The following PHF24 variants were observed in gnomAD, a reference collection of about 807,000 sequenced individuals.
The protein encoded by PHF24 is Galpha inhibitory interacting protein.
Under a neutral mutation model 42.6 loss-of-function variants are expected in PHF24, and 25 were observed. That is an observed-to-expected ratio of 0.59 (90% CI 0.43 to 0.82). PHF24 has a LOEUF of 0.82. PHF24 is among the 40% of genes least tolerant of loss of function. PHF24 has a pLI of 0.00. For missense variants in PHF24, 470 were observed against 538.1 expected, an observed-to-expected ratio of 0.87 and a Z score of 1.25; for synonymous variants, 185 against 204.8, an observed-to-expected ratio of 0.90 and a Z score of 0.83.
the PHF24 span, chr9:34,835,838 G>GTATAGAATAT: frequency 1.6e-4 from 219 of 1,362,440 alleles, 1 homozygote; most frequent in Middle Eastern, 3.6e-4. Flanking sequence ...CTGGAATGGA[G>GTATAGAATAT]CTCTATACTC....
the PHF24 span, among the ~76,000 whole-genome samples, chr9:34,916,115 C>T: frequency 1.3e-5 from 2 of 152,184 alleles, no homozygotes; most frequent in Non-Finnish European, 2.9e-5. Flanking sequence ...GTCAATTAAA[C>T]CTCTTTATAA....
chr9:34,882,511 A>G, the PHF24 span, among the ~76,000 whole-genome samples: 1 of 151,000 alleles, frequency 6.6e-6, no homozygotes, highest in Non-Finnish European at 1.5e-5. Context: ...CAACTTCAGC[A>G]AAGTCTCAGA....
the PHF24 span, among the ~76,000 whole-genome samples, chr9:34,791,233 C>A: frequency 1.3e-5 from 2 of 152,046 alleles, no homozygotes; most frequent in African/African-American, 2.4e-5. Flanking sequence ...AGATAGTCGG[C>A]AAGAAGTGAC....
chr9:34,769,550 G>T, the PHF24 span, among the ~76,000 whole-genome samples: 1 of 152,046 alleles, frequency 6.6e-6, no homozygotes, highest in Non-Finnish European at 1.5e-5. Context: ...CTGGTTAGGG[G>T]GCCCAATTAG....
the PHF24 span, among the ~76,000 whole-genome samples, chr9:34,843,132 G>A: frequency 6.6e-6 from 1 of 152,080 alleles, no homozygotes; most frequent in Admixed American, 6.5e-5. Context: ...CATAAATGTT[G>A]GATTGTTTTC....
At chr9:34,709,006 T>G in the PHF24 span, 1 of 225,612 alleles carries the variant, frequency 4.4e-6, no homozygotes. Context: ...AACAGGTACT[T>G]GGGTGGGAAG....
chr9:34,791,702 T>A, the PHF24 span, among the ~76,000 whole-genome samples: 1 of 152,176 alleles, frequency 6.6e-6, no homozygotes, highest in Non-Finnish European at 1.5e-5. Context: ...ATATGGTGCC[T>A]CAGAAGGCTT....
At chr9:34,700,948 TG>T in the PHF24 span, among the ~76,000 whole-genome samples, 1 of 151,836 alleles carries the variant, frequency 6.6e-6, no homozygotes, top group South Asian at 2.1e-4. Context: ...CCAATGGGGG[TG>T]GGGGACTGGA....
chr9:34,909,022 G>GT, the PHF24 span, among the ~76,000 whole-genome samples: 3 of 150,412 alleles, frequency 2.0e-5, no homozygotes, highest in African/African-American at 7.3e-5. Flanking sequence ...CTAATTTTTT[G>GT]TATTTTTAGT....
the PHF24 span, among the ~76,000 whole-genome samples, chr9:34,673,933 T>A: frequency 6.6e-6 from 1 of 152,136 alleles, no homozygotes; most frequent in Non-Finnish European, 1.5e-5. Flanking sequence ...CCTGGCTAAT[T>A]TTTGTAGAGA....
At chr9:34,673,248 C>T in the PHF24 span, among the ~76,000 whole-genome samples, 8 of 151,400 alleles carry the variant, frequency 5.3e-5, no homozygotes, top group Middle Eastern at 3.4e-3. Flanking sequence ...CCCAGCTACT[C>T]GAGAGATGAG....
the PHF24 span, among the ~76,000 whole-genome samples, chr9:34,932,651 A>G: frequency 6.6e-6 from 1 of 152,084 alleles, no homozygotes; most frequent in African/African-American, 2.4e-5. Flanking sequence ...TATTTTTCCA[A>G]ATTTCAGTAT....
exon 8 of PHF24, chr9:34,980,079 G>A (rs1383605261): frequency 6.6e-6 from 1 of 152,206 alleles, no homozygotes; most frequent in Non-Finnish European, 1.5e-5. Flanking sequence ...TGGGCTGCTC[G>A]ATCTCACAGA....
At chr9:34,871,188 G>A in the PHF24 span, among the ~76,000 whole-genome samples, 2 of 152,144 alleles carry the variant, frequency 1.3e-5, no homozygotes, top group Non-Finnish European at 2.9e-5. Flanking sequence ...AGTTCCCTAA[G>A]GACATATGGT....
At chr9:34,850,112 C>T in the PHF24 span, among the ~76,000 whole-genome samples, 24 of 152,218 alleles carry the variant, frequency 1.6e-4, no homozygotes, top group East Asian at 2.3e-3. Flanking sequence ...GTATCTTTAT[C>T]GCGTTCTCTG....
the PHF24 span, among the ~76,000 whole-genome samples, chr9:34,836,683 C>G: frequency 3.3e-3 from 509 of 152,316 alleles, 1 homozygote; most frequent in South Asian, 0.018. Flanking sequence ...CAGGGTTCAT[C>G]TTGGTCAGCT....
the PHF24 span, among the ~76,000 whole-genome samples, chr9:34,825,878 G>A: frequency 1.6e-3 from 242 of 152,188 alleles, no homozygotes; most frequent in African/African-American, 4.9e-3. Context: ...CTGCAAGGAG[G>A]GCTTCCCTTC....
the PHF24 span, chr9:34,709,475 T>C: frequency 1.9e-6 from 3 of 1,613,734 alleles, no homozygotes; most frequent in African/African-American, 4.0e-5. Context: ...GGCTCCCCTT[T>C]ACCCACATCC....
chr9:34,908,165 G>A, the PHF24 span, among the ~76,000 whole-genome samples: 4 of 130,110 alleles, frequency 3.1e-5, no homozygotes, highest in East Asian at 5.8e-4. Flanking sequence ...TTCACCTGCT[G>A]TAAGTTTTCT....
Sources: allele counts gnomAD v4.1 joint callset (sites outside exome capture counted in the v4.1 genomes callset), GRCh38; gene constraint gnomAD v4.1.1; transcripts MANE v1.5; gene names NCBI Gene and HGNC (gene_info 2026-07-23, HGNC 2026-07-21).